The following DLG2 variants were observed in gnomAD, a reference collection of about 807,000 sequenced individuals.
DLG2 encodes disks large homolog 2.
A neutral mutation model predicts 132.5 loss-of-function variants in DLG2; 45 were observed. The observed-to-expected ratio is 0.34, with a 90% CI of 0.27 to 0.44. The LOEUF (loss-of-function observed/expected upper bound fraction) is 0.44, where lower values mean the gene tolerates loss of function less well. DLG2 is among the 20% of genes least tolerant of loss of function. The pLI is 1.00. For synonymous variants in DLG2, 424 were observed against 419.6 expected, an observed-to-expected ratio of 1.01 and a Z score of -0.13; for missense variants, 1,045 against 1,196.9, an observed-to-expected ratio of 0.87 and a Z score of 1.87.
At chr11:85,262,608 G>C (rs755437371) in intron 4 of DLG2, among the ~76,000 whole-genome samples, 1 of 152,150 alleles carries the variant, frequency 6.6e-6, no homozygotes, top group Non-Finnish European at 1.5e-5. Flanking sequence ...CTAGAAGAAG[G>C]TCTTCAGGAC....
At chr11:84,724,091 G>T (rs1481268951) in intron 6 of DLG2, among the ~76,000 whole-genome samples, 1 of 151,950 alleles carries the variant, frequency 6.6e-6, no homozygotes, top group Non-Finnish European at 1.5e-5. Flanking sequence ...ATGTTGCGAG[G>T]GAAAAGAATA....
chr11:84,643,175 G>C (rs1749334733), intron 6 of DLG2, among the ~76,000 whole-genome samples: 1 of 152,200 alleles, frequency 6.6e-6, no homozygotes, highest in African/African-American at 2.4e-5. Flanking sequence ...GGCTGTGCTA[G>C]TTACTTGGGT....
intron 3 of DLG2, among the ~76,000 whole-genome samples, chr11:85,484,903 A>G (rs1442211335): frequency 9.2e-5 from 14 of 151,996 alleles, no homozygotes; most frequent in East Asian, 5.8e-4. Flanking sequence ...ACATGCACAC[A>G]TATGTTTATT....
At chr11:83,958,826 A>C (rs1171373514) in intron 14 of DLG2, among the ~76,000 whole-genome samples, 1 of 152,054 alleles carries the variant, frequency 6.6e-6, no homozygotes, top group Non-Finnish European at 1.5e-5. Flanking sequence ...TACTCCAGCC[A>C]AAAAAATAGT....
At chr11:85,179,377 T>C (rs1440340412) in intron 4 of DLG2, among the ~76,000 whole-genome samples, 1 of 151,768 alleles carries the variant, frequency 6.6e-6, no homozygotes, top group Non-Finnish European at 1.5e-5. Context: ...AGATAAATAG[T>C]GAGCAAATAA....
At chr11:83,596,959 C>T (rs684857) in intron 19 of DLG2, among the ~76,000 whole-genome samples, 46,954 of 152,000 alleles carry the variant, frequency 0.31, 8,350 homozygotes, top group East Asian at 0.48. Context: ...AGATTCCTCA[C>T]TGTCATCAGA....
At position 84,452,691 on chromosome 11, in the gene DLG2, A is replaced by T. The variant is rs372313384; in HGVS notation, c.519+81879T>A. On this transcript the variant is annotated intron_variant, in intron 7 of 27. Coordinates refer to ENST00000376104, the MANE Select transcript of DLG2 (RefSeq NM_001142699.3). Reference sequence around the variant, plus strand: ...ATGACTCCAAACATTTTGACCTGATAAACCAGAAAGGTCATCTCATCACCA... The same window carrying T: ...ATGACTCCAAACATTTTGACCTGATTAACCAGAAAGGTCATCTCATCACCA... Among the ~76,000 whole-genome samples, 7 of 151,780 alleles carry T rather than the reference A, an allele frequency of 4.6e-5. No individual in the cohort carries two copies. The South Asian group carries it at 1.5e-3, about 31-fold the overall frequency.
intron 16 of DLG2, among the ~76,000 whole-genome samples, chr11:83,860,571 T>A (rs2061300381): frequency 1.3e-5 from 2 of 152,192 alleles, no homozygotes; most frequent in Non-Finnish European, 2.9e-5. Context: ...CTAAAGTGCT[T>A]TTGATTTTAC....
intron 4 of DLG2, among the ~76,000 whole-genome samples, chr11:85,175,870 C>A (rs926306216): frequency 6.6e-6 from 1 of 152,016 alleles, no homozygotes; most frequent in Non-Finnish European, 1.5e-5. Context: ...ACAATTGTCA[C>A]AAAGGGAATA....
chr11:83,727,589 T>C (rs1203792549), intron 18 of DLG2, among the ~76,000 whole-genome samples: 1 of 152,232 alleles, frequency 6.6e-6, no homozygotes, highest in Non-Finnish European at 1.5e-5. Flanking sequence ...CCAGGATTTC[T>C]TTGTGACTTT....
At chr11:85,276,201 C>A (rs1030625271) in intron 4 of DLG2, among the ~76,000 whole-genome samples, 1 of 152,120 alleles carries the variant, frequency 6.6e-6, no homozygotes, top group Non-Finnish European at 1.5e-5. Context: ...GTTGGATTGA[C>A]CTCCATATAA....
At chr11:84,408,811 C>T (rs547822421) in intron 7 of DLG2, among the ~76,000 whole-genome samples, 13 of 152,268 alleles carry the variant, frequency 8.5e-5, no homozygotes, top group Admixed American at 3.3e-4. Context: ...AGACCTAAAA[C>T]ATTTTACAAC....
intron 7 of DLG2, among the ~76,000 whole-genome samples, chr11:84,391,716 T>C (rs1338377504): frequency 6.6e-6 from 1 of 151,864 alleles, no homozygotes; most frequent in Non-Finnish European, 1.5e-5. Context: ...CAAACAAAAC[T>C]AGATGCTGAT....
chr11:84,792,334 T>C (rs11501821), intron 6 of DLG2, among the ~76,000 whole-genome samples: 4,213 of 152,240 alleles, frequency 0.028, 83 homozygotes, highest in Non-Finnish European at 0.042. Flanking sequence ...TTTGGTTTGC[T>C]AGTATTTTGC....
chr11:85,129,660 G>A (rs1346031241), intron 5 of DLG2, among the ~76,000 whole-genome samples: 1 of 152,116 alleles, frequency 6.6e-6, no homozygotes. Context: ...ATTGTTCAAG[G>A]ATCTAAAACT....
At chr11:85,026,689 T>A (rs1264052164) in intron 6 of DLG2, among the ~76,000 whole-genome samples, 1 of 151,760 alleles carries the variant, frequency 6.6e-6, no homozygotes, top group Non-Finnish European at 1.5e-5. Flanking sequence ...CACAACAAAT[T>A]AGCCGGGCGT....
intron 7 of DLG2, among the ~76,000 whole-genome samples, chr11:84,514,218 AGG>A (rs2099265654): frequency 6.6e-6 from 1 of 152,050 alleles, no homozygotes; most frequent in Non-Finnish European, 1.5e-5. Flanking sequence ...TGTGGAGAAA[AGG>A]AAACTGTTGT....
chr11:84,812,270 T>C (rs17147591), intron 6 of DLG2, among the ~76,000 whole-genome samples: 3,680 of 152,254 alleles, frequency 0.024, 161 homozygotes, highest in African/African-American at 0.085. Context: ...AATAAAATGT[T>C]ACTGTAAAAT....
chr11:84,996,246 C>T (rs1374860038), intron 6 of DLG2, among the ~76,000 whole-genome samples: 1 of 152,030 alleles, frequency 6.6e-6, no homozygotes. Context: ...AAGATTAAAT[C>T]ATATATTTCT....
Sources: allele counts gnomAD v4.1 joint callset (sites outside exome capture counted in the v4.1 genomes callset), GRCh38; gene constraint gnomAD v4.1.1; transcripts MANE v1.5; gene names NCBI Gene and HGNC (gene_info 2026-07-23, HGNC 2026-07-21).